SLC24A3: variants seen among roughly 807,000 people sequenced by gnomAD.
SLC24A3 encodes the protein solute carrier family 24 member 3, also known as sodium/potassium/calcium exchanger 3.
In SLC24A3, 28 loss-of-function variants were observed where a neutral mutation model predicts 75.8. The observed-to-expected ratio is 0.37, with a 90% CI of 0.27 to 0.51. The LOEUF is 0.51. SLC24A3 is among the 20% of genes least tolerant of loss of function. SLC24A3 has a pLI of 0.94. For synonymous variants in SLC24A3, 372 were observed against 334.1 expected (o/e 1.11, Z -1.24); for missense variants, 663 against 847.8 (o/e 0.78, Z 2.71).
At chr20:19,463,597 T>C (rs1293122750) in intron 2 of SLC24A3, among the ~76,000 whole-genome samples, 1 of 152,240 alleles carries the variant, frequency 6.6e-6, no homozygotes, top group Non-Finnish European at 1.5e-5. Context: ...CATCAGTCAG[T>C]TACAGTGGGA....
intron 2 of SLC24A3, among the ~76,000 whole-genome samples, chr20:19,352,692 C>T (rs1190688903): frequency 6.6e-6 from 1 of 152,188 alleles, no homozygotes; most frequent in Non-Finnish European, 1.5e-5. Context: ...GGTTAAATTG[C>T]TGCCTGGACC....
At chr20:19,516,588 T>C (rs1373620571) in intron 3 of SLC24A3, among the ~76,000 whole-genome samples, 2 of 152,150 alleles carry the variant, frequency 1.3e-5, no homozygotes, top group African/African-American at 4.8e-5. Flanking sequence ...AGGGTTTCTC[T>C]CTCCCATGCC....
chr20:19,666,336 C>G (rs2032398948), intron 8 of SLC24A3, among the ~76,000 whole-genome samples: 1 of 151,748 alleles, frequency 6.6e-6, no homozygotes, highest in East Asian at 2.0e-4. Flanking sequence ...GAAACCTCGT[C>G]TCTACTAAAA....
chr20:19,270,492 C>T (rs930110235), intron 1 of SLC24A3, among the ~76,000 whole-genome samples: 7 of 152,118 alleles, frequency 4.6e-5, no homozygotes, highest in African/African-American at 7.2e-5. Context: ...AGGGTGCCAG[C>T]GTGGTCAGGT....
At chr20:19,554,843 A>T (rs370990393) in intron 3 of SLC24A3, among the ~76,000 whole-genome samples, 6 of 152,154 alleles carry the variant, frequency 3.9e-5, no homozygotes, top group African/African-American at 1.4e-4. Context: ...CTCAGTGGAG[A>T]AGTCAGAGTT....
chr20:19,483,841 C>A (rs1226059380), intron 2 of SLC24A3, among the ~76,000 whole-genome samples: 1 of 152,052 alleles, frequency 6.6e-6, no homozygotes, highest in Non-Finnish European at 1.5e-5. Flanking sequence ...AACTGAGGGA[C>A]CTAAGAACAA....
rs558097716 is a variant in SLC24A3 at position 19,308,161 on chromosome 20, G to T, written c.271+27074G>T. Among the ~76,000 whole-genome samples the T allele has an allele frequency of 1.2e-4, 19 of 152,224 alleles. No individual in the cohort carries two copies. The East Asian group carries it at 3.3e-3, about 26-fold the overall frequency. ...CCTGGCCATTGTTTAAATTAAGGAG[G>T]TATCATATTTATCATATTTTAATTC... is the stretch of plus-strand genomic sequence containing the variant. On this transcript the variant is annotated intron_variant, in intron 2 of 16. Coordinates refer to ENST00000328041, the MANE Select transcript of SLC24A3 (RefSeq NM_020689.4).
chr20:19,451,193 C>T (rs929920930), intron 2 of SLC24A3, among the ~76,000 whole-genome samples: 1 of 152,144 alleles, frequency 6.6e-6, no homozygotes, highest in South Asian at 2.1e-4. Flanking sequence ...TAAAAGAAAA[C>T]ACATATTTTA....
chr20:19,278,483 T>C (rs931159827), intron 1 of SLC24A3, among the ~76,000 whole-genome samples: 8 of 152,208 alleles, frequency 5.3e-5, no homozygotes, highest in Non-Finnish European at 1.2e-4. Flanking sequence ...TTCTCCACAC[T>C]TTCAGATTAT....
intron 2 of SLC24A3, among the ~76,000 whole-genome samples, chr20:19,303,170 C>T (rs1469805079): frequency 6.6e-6 from 1 of 152,144 alleles, no homozygotes; most frequent in Non-Finnish European, 1.5e-5. Flanking sequence ...TCCCACTCTC[C>T]ACCTCAAGTA....
chr20:19,398,752 C>T (rs571266253), intron 2 of SLC24A3, among the ~76,000 whole-genome samples: 1 of 152,228 alleles, frequency 6.6e-6, no homozygotes, highest in Non-Finnish European at 1.5e-5. Context: ...CCTTGTTTTG[C>T]CCCATATCTG....
intron 3 of SLC24A3, among the ~76,000 whole-genome samples, chr20:19,560,137 T>A (rs1035400581): frequency 2.0e-5 from 3 of 151,258 alleles, no homozygotes; most frequent in African/African-American, 7.3e-5. Flanking sequence ...TCCCCAGGAG[T>A]CAAAAGTGAG....
At chr20:19,561,790 A>G (rs1260950281) in intron 3 of SLC24A3, among the ~76,000 whole-genome samples, 1 of 152,174 alleles carries the variant, frequency 6.6e-6, no homozygotes, top group Non-Finnish European at 1.5e-5. Context: ...CCCATTTTAC[A>G]CACAAAGGAA....
At chr20:19,684,510 T>G (rs1190689769) in intron 11 of SLC24A3, among the ~76,000 whole-genome samples, 174 bp downstream of exon 11, 1 of 152,188 alleles carries the variant, frequency 6.6e-6, no homozygotes, top group Non-Finnish European at 1.5e-5. Flanking sequence ...TGGCCCTTGC[T>G]CTTCCCTCCA....
chr20:19,590,210 G>A (rs1478991864), intron 6 of SLC24A3, among the ~76,000 whole-genome samples: 1 of 151,878 alleles, frequency 6.6e-6, no homozygotes, highest in Non-Finnish European at 1.5e-5. Context: ...CAAACAATGT[G>A]CAGCTAGAAG....
chr20:19,428,572 A>G (rs1243635310), intron 2 of SLC24A3, among the ~76,000 whole-genome samples: 1 of 152,242 alleles, frequency 6.6e-6, no homozygotes, highest in Non-Finnish European at 1.5e-5. Flanking sequence ...AGAGCCACTG[A>G]GCAAAGTAAG....
intron 2 of SLC24A3, among the ~76,000 whole-genome samples, chr20:19,405,512 C>G (rs555639196): frequency 5.3e-5 from 8 of 152,310 alleles, no homozygotes; most frequent in African/African-American, 1.9e-4. Context: ...CCAAAATGTA[C>G]TTAGTACCCT....
intron 2 of SLC24A3, among the ~76,000 whole-genome samples, chr20:19,346,063 CTATA>C (rs763603062): frequency 0.054 from 1,133 of 21,168 alleles, 24 homozygotes; most frequent in South Asian, 0.083. Context: ...ATAAAGAAAA[CTATA>C]TATATATATA....
chr20:19,718,104 A>G (rs192947860), intron 16 of SLC24A3, among the ~76,000 whole-genome samples: 111 of 152,376 alleles, frequency 7.3e-4, no homozygotes, highest in African/African-American at 2.6e-3. Flanking sequence ...CACATGAAGC[A>G]TCCATTAACA....
Sources: allele counts gnomAD v4.1 joint callset (sites outside exome capture counted in the v4.1 genomes callset), GRCh38; gene constraint gnomAD v4.1.1; transcripts MANE v1.5; gene names NCBI Gene and HGNC (gene_info 2026-07-23, HGNC 2026-07-21).